CD96: variants seen among roughly 807,000 people sequenced by gnomAD.
CD96 encodes the protein T-cell surface protein tactile.
In CD96, 70 loss-of-function variants were observed where a neutral mutation model predicts 71.3. The ratio of observed to expected loss-of-function variants is 0.98; its 90% CI spans 0.81 to 1.20. The LOEUF (loss-of-function observed/expected upper bound fraction) is 1.20, where lower values mean the gene tolerates loss of function less well. Ranked by LOEUF, CD96 falls within the 50% of genes most tolerant of loss-of-function variation. The probability of loss-of-function intolerance (pLI) is 0.00; values close to 1 mark genes in which losing one functional copy is unlikely to be tolerated. For synonymous variants in CD96, 248 were observed against 233.0 expected, an observed-to-expected ratio of 1.06 and a Z score of -0.59; for missense variants, 742 against 677.5, an observed-to-expected ratio of 1.10 and a Z score of -1.06.
At chr3:111,599,081 G>A (rs1174808813) in intron 6 of CD96, among the ~76,000 whole-genome samples, 2 of 151,944 alleles carry the variant, frequency 1.3e-5, no homozygotes, top group African/African-American at 4.8e-5. Flanking sequence ...CCATTCTCCT[G>A]CCTCAGCCTC....
chr3:111,665,055 A>G (rs987485694), intron 14 of CD96, among the ~76,000 whole-genome samples: 1 of 152,204 alleles, frequency 6.6e-6, no homozygotes, highest in Non-Finnish European at 1.5e-5. Context: ...ATACACTTAT[A>G]CATACATACA....
At chr3:111,656,549 T>C (rs1940234302), downstream of CD96, among the ~76,000 whole-genome samples, 1 of 152,258 alleles carries the variant, frequency 6.6e-6, no homozygotes, top group South Asian at 2.1e-4. Flanking sequence ...AGAATATATA[T>C]GCACAAGATT....
At chr3:111,626,506 TTCCACCA>T (rs1163307049) in intron 10 of CD96, among the ~76,000 whole-genome samples, 3 of 152,140 alleles carry the variant, frequency 2.0e-5, no homozygotes, top group Non-Finnish European at 4.4e-5. Context: ...TACCATCACT[TTCCACCA>T]TCCTTTGGCA....
chr3:111,607,102 T>C (rs1487626382), intron 8 of CD96: 5 of 367,838 alleles, frequency 1.4e-5, no homozygotes, highest in Non-Finnish European at 2.5e-5. Flanking sequence ...TTCTCATGGC[T>C]TCAAAGAGTT....
intron 13 of CD96, 57 bp downstream of exon 13, chr3:111,647,723 A>G: frequency 8.0e-7 from 1 of 1,243,292 alleles, no homozygotes. Flanking sequence ...TAAAATATTC[A>G]TCAGTACAAT....
intron 5 of CD96, among the ~76,000 whole-genome samples, chr3:111,588,746 T>G (rs557345734): frequency 6.6e-6 from 1 of 152,270 alleles, no homozygotes; most frequent in East Asian, 1.9e-4. Context: ...TACCTCTCAC[T>G]GGGAGTTCAA....
At chr3:111,603,722 G>A (rs1255544319) in intron 7 of CD96, among the ~76,000 whole-genome samples, 3 of 152,222 alleles carry the variant, frequency 2.0e-5, no homozygotes, top group African/African-American at 4.8e-5. Context: ...TAGAAACAGA[G>A]TTAAGCATTG....
Position 111,617,333 on chromosome 3 carries a change from A to G in CD96, c.1181-6421A>G, listed in dbSNP as rs1386543729. ...AGGCTGCCAGTTCCAAGTGAAGTCC[A>G]TGGATATGAGTAATAACTTCATCGA... is the stretch of plus-strand genomic sequence containing the variant. On this transcript the variant is annotated intron_variant, in intron 8 of 13. Transcript: ENST00000352690. 2.0e-5 allele frequency among the ~76,000 whole-genome samples: 3 copies of G among 152,200 alleles called. No homozygotes were observed. The South Asian group carries it at 6.2e-4, about 32-fold the overall frequency.
chr3:111,634,825 G>A (rs1029397255), intron 10 of CD96: 3 of 152,064 alleles, frequency 2.0e-5, no homozygotes, highest in Non-Finnish European at 2.9e-5. Context: ...GAACCCGGGA[G>A]GCAGAGGTTG....
At chr3:111,633,251 C>A (rs1382928495) in intron 10 of CD96, among the ~76,000 whole-genome samples, 1 of 152,012 alleles carries the variant, frequency 6.6e-6, no homozygotes, top group Non-Finnish European at 1.5e-5. Flanking sequence ...AGTTAGAACA[C>A]ACACAACATT....
chr3:111,632,414 A>G (rs1939113600), intron 10 of CD96, among the ~76,000 whole-genome samples: 2 of 152,248 alleles, frequency 1.3e-5, no homozygotes. Context: ...CGAAACCGCA[A>G]TGAGATACCA....
intron 5 of CD96, chr3:111,594,450 A>G: frequency 2.3e-6 from 1 of 441,634 alleles, no homozygotes; most frequent in Non-Finnish European, 4.2e-6. Context: ...CCAGATACTT[A>G]CTTATCCTCC....
chr3:111,629,621 A>G (rs2107730108), intron 10 of CD96, among the ~76,000 whole-genome samples: 1 of 152,340 alleles, frequency 6.6e-6, no homozygotes, highest in Non-Finnish European at 1.5e-5. Context: ...GCAAAAATCA[A>G]CAAAGACATT....
intron 8 of CD96, among the ~76,000 whole-genome samples, chr3:111,615,155 T>G (rs181405802): frequency 1.3e-5 from 2 of 152,356 alleles, no homozygotes; most frequent in Admixed American, 6.5e-5. Flanking sequence ...TTTAAAAATT[T>G]TGTTCTGCAT....
intron 3 of CD96, among the ~76,000 whole-genome samples, chr3:111,575,689 G>A (rs1275732262): frequency 6.6e-6 from 1 of 152,188 alleles, no homozygotes; most frequent in Non-Finnish European, 1.5e-5. Flanking sequence ...CAAAATCAAG[G>A]TGCCAGCAAG....
intron 4 of CD96, among the ~76,000 whole-genome samples, chr3:111,584,154 A>G (rs1936595796): frequency 6.6e-6 from 1 of 152,172 alleles, no homozygotes; most frequent in African/African-American, 2.4e-5. Flanking sequence ...AGTTCCACAA[A>G]TCTCTAGGGC....
intron 12 of CD96, among the ~76,000 whole-genome samples, chr3:111,644,652 ACT>A (rs140862303): frequency 0.094 from 14,239 of 152,166 alleles, 921 homozygotes; most frequent in Non-Finnish European, 0.14. Context: ...TCTACAACTA[ACT>A]CAAACAAATT....
chr3:111,623,459 C>T (rs952527618), intron 8 of CD96, among the ~76,000 whole-genome samples: 3 of 152,092 alleles, frequency 2.0e-5, no homozygotes, highest in South Asian at 2.1e-4. Flanking sequence ...ATATCCCCAG[C>T]GTGCAGAATA....
In CD96 at chr3:111,606,794, T is replaced by G. The variant is rs1438109653; in HGVS notation, c.1180+2T>G. ...CAGCCAGCAGTGTATCTCCTGCAAG[T>G]AAGAATGTTTTCACACTGAGCTATT... On this transcript the variant is annotated splice_donor_variant, in intron 8 of 13. Transcript: ENST00000352690. LOFTEE classifies it high-confidence loss of function. 9 of 1,519,720 alleles carry G rather than the reference T, an allele frequency of 5.9e-6. No individual in the cohort carries two copies. Among genetic ancestry groups the G allele is most frequent in the Non-Finnish European group, 9.1e-7 (1 of 1,093,906 alleles). 94.1% of individuals were successfully genotyped at this position (1,519,720 alleles called of 1,614,324 possible).
Sources: allele counts gnomAD v4.1 joint callset (sites outside exome capture counted in the v4.1 genomes callset), GRCh38; gene constraint gnomAD v4.1.1; transcripts MANE v1.5; gene names NCBI Gene and HGNC (gene_info 2026-07-23, HGNC 2026-07-21).